WSCD2: variants seen among roughly 807,000 people sequenced by gnomAD.
WSCD2 encodes the protein WSC domain sialate O sulfotransferase 2.
Under a neutral mutation model 55.7 loss-of-function variants are expected in WSCD2, and 28 were observed. That is an observed-to-expected ratio of 0.50 (90% CI 0.37 to 0.69). The LOEUF (loss-of-function observed/expected upper bound fraction) is 0.69, where lower values mean the gene tolerates loss of function less well. WSCD2 is among the 30% of genes least tolerant of loss of function. The probability of loss-of-function intolerance (pLI) is 0.00; values close to 1 mark genes in which losing one functional copy is unlikely to be tolerated. For missense variants in WSCD2, 616 were observed against 762.1 expected (o/e 0.81, Z 2.26); for synonymous variants, 301 against 301.9 (o/e 1.00, Z 0.03).
At chr12:108,247,465 G>A (rs903933522) in intron 8 of WSCD2, among the ~76,000 whole-genome samples, 4 of 152,084 alleles carry the variant, frequency 2.6e-5, no homozygotes, top group African/African-American at 9.7e-5. Context: ...AGAAGGTGGT[G>A]GTCAAGAATA....
intron 1 of WSCD2, among the ~76,000 whole-genome samples, chr12:108,132,100 A>G (rs2136846300): frequency 6.6e-6 from 1 of 151,728 alleles, no homozygotes; most frequent in East Asian, 2.0e-4. Context: ...GGGAATGATG[A>G]AATTGTCAGG....
intron 1 of WSCD2, among the ~76,000 whole-genome samples, chr12:108,138,280 C>T (rs1876428687): frequency 6.6e-6 from 1 of 152,144 alleles, no homozygotes; most frequent in Non-Finnish European, 1.5e-5. Context: ...GCCATAGATG[C>T]CCCGGCCTCA....
At chr12:108,207,380 A>AT (rs1181231672) in intron 3 of WSCD2, among the ~76,000 whole-genome samples, 3 of 150,644 alleles carry the variant, frequency 2.0e-5, no homozygotes, top group Non-Finnish European at 3.0e-5. Context: ...TTTATTTTTT[A>AT]TTTTTTTGAG....
intron 1 of WSCD2, among the ~76,000 whole-genome samples, chr12:108,168,354 C>T (rs1413214299): frequency 6.6e-6 from 1 of 152,144 alleles, no homozygotes; most frequent in Non-Finnish European, 1.5e-5. Flanking sequence ...ACATATCTTC[C>T]CTGGATCACC....
chr12:108,132,570 G>A (rs970760026), intron 1 of WSCD2, among the ~76,000 whole-genome samples: 9 of 152,194 alleles, frequency 5.9e-5, no homozygotes. Flanking sequence ...TTGTGAATCG[G>A]TGCAAGGGTG....
chr12:108,231,574 T>G (rs191957945), intron 6 of WSCD2, among the ~76,000 whole-genome samples: 14 of 152,298 alleles, frequency 9.2e-5, no homozygotes, highest in Admixed American at 7.8e-4. Flanking sequence ...TTTTGAGCAC[T>G]TTAGAGTATT....
At chr12:108,138,422 A>G (rs1876446082) in intron 1 of WSCD2, among the ~76,000 whole-genome samples, 1 of 152,222 alleles carries the variant, frequency 6.6e-6, no homozygotes, top group African/African-American at 2.4e-5. Flanking sequence ...TTCCGATCCC[A>G]GCTCGGTAGC....
chr12:108,237,440 T>C (rs1889357018), intron 7 of WSCD2, among the ~76,000 whole-genome samples: 1 of 152,240 alleles, frequency 6.6e-6, no homozygotes, highest in African/African-American at 2.4e-5. Context: ...CATGTTTACG[T>C]CATGGAGATG....
chr12:108,166,809 CTT>C (rs1160762137), intron 1 of WSCD2, among the ~76,000 whole-genome samples: 2 of 131,986 alleles, frequency 1.5e-5, no homozygotes, highest in African/African-American at 2.8e-5. Context: ...TTCTTTCTCT[CTT>C]TTTTTCTTTT....
chr12:108,232,946 G>T, intron 7 of WSCD2, 51 bp downstream of exon 7: 1 of 1,591,696 alleles, frequency 6.3e-7, no homozygotes. Flanking sequence ...GGCTTGGGAA[G>T]GTCCCCACTT....
At chr12:108,131,631 G>T (rs1411037288) in intron 1 of WSCD2, 1 of 152,328 alleles carries the variant, frequency 6.6e-6, no homozygotes, top group African/African-American at 2.4e-5. Flanking sequence ...ATCTATCTGG[G>T]TGCTGTTTTC....
chr12:108,224,882 T>G (rs2137161651), intron 5 of WSCD2, 22 bp downstream of exon 5: 13 of 1,609,348 alleles, frequency 8.1e-6, no homozygotes, highest in Non-Finnish European at 1.1e-5. Context: ...GTGGGGCCCA[T>G]GGAACTCAGG....
intron 1 of WSCD2, among the ~76,000 whole-genome samples, chr12:108,178,894 T>C (rs1881272143): frequency 6.6e-6 from 1 of 152,170 alleles, no homozygotes; most frequent in Non-Finnish European, 1.5e-5. Flanking sequence ...TGAGTAGTAG[T>C]TTGTGGTAAT....
At chr12:108,198,968 G>A (rs1884314449) in intron 2 of WSCD2, among the ~76,000 whole-genome samples, 1 of 152,156 alleles carries the variant, frequency 6.6e-6, no homozygotes, top group African/African-American at 2.4e-5. Context: ...CAAAGCTTGT[G>A]AGCATTCTTC....
rs41314123 is a variant in WSCD2, at chr12:108,206,203, T to C, written c.383-86T>C. On this transcript the variant is annotated intron_variant, in intron 2 of 8. Coordinates refer to ENST00000547525, the MANE Select transcript of WSCD2 (RefSeq NM_014653.4). The stretch of plus-strand genomic sequence containing the variant: ...ACATTAAAAGGTCAACAAGGTCACA[T>C]AACCAGAGACACATTGGTGAGGCTT... 83 of 1,104,610 alleles carry C rather than the reference T, an allele frequency of 7.5e-5. No homozygotes were observed. The East Asian group carries it at 1.8e-3, about 24-fold the overall frequency. The allele number at this position is 1,104,610 out of a possible 1,614,324, so 68.4% of individuals were successfully genotyped here. A position where few individuals can be genotyped will look rare whatever the true frequency, so the allele number is the denominator to read the frequency against.
rs893563022 is a variant in WSCD2, at chr12:108,210,367, A to C, written c.682+62A>C. 1 of 1,507,380 alleles carries C rather than the reference A, an allele frequency of 6.6e-7. No individual in the cohort carries two copies. The highest frequency in any genetic ancestry group is 1.4e-5 in the African/African-American group (1 of 72,782). 93.4% of individuals were successfully genotyped at this position (1,507,380 alleles called of 1,614,324 possible). On this transcript the variant is annotated intron_variant, in intron 4 of 8. Transcript: ENST00000547525. The surrounding 1 kb of genome is among the most constrained non-coding windows in gnomAD (Gnocchi z 4.3). ...CCCTCAGCTGCAGCCCTTGCCCACC[A>C]AAGAGTCCCACATGTCTGCCCTGTA...
chr12:108,246,847 T>TG (rs567969172), intron 8 of WSCD2, among the ~76,000 whole-genome samples: 22 of 151,642 alleles, frequency 1.5e-4, no homozygotes, highest in African/African-American at 5.1e-4. Flanking sequence ...ATGAGTGCTG[T>TG]GGGGGGCTGC....
intron 1 of WSCD2, among the ~76,000 whole-genome samples, chr12:108,191,758 T>A (rs910065333): frequency 2.6e-5 from 4 of 152,076 alleles, no homozygotes; most frequent in African/African-American, 9.7e-5. Flanking sequence ...CCCTGCCTCC[T>A]CCTAGCACCG....
chr12:108,170,193 T>G (rs1235555094), intron 1 of WSCD2, among the ~76,000 whole-genome samples: 1 of 152,194 alleles, frequency 6.6e-6, no homozygotes, highest in Non-Finnish European at 1.5e-5. Flanking sequence ...AGCCTTACCT[T>G]TATTTTTTTT....
Sources: allele counts gnomAD v4.1 joint callset (sites outside exome capture counted in the v4.1 genomes callset), GRCh38; gene constraint gnomAD v4.1.1; non-coding constraint Gnocchi (gnomAD v3.1); transcripts MANE v1.5; gene names NCBI Gene and HGNC (gene_info 2026-07-23, HGNC 2026-07-21).